Variants in TAFA1 observed in about 807,000 individuals in gnomAD.
TAFA1 encodes TAFA chemokine like family member 1.
In TAFA1, 4 loss-of-function variants were observed where a neutral mutation model predicts 18.5. The observed-to-expected ratio is 0.22, with a 90% confidence interval of 0.11 to 0.49. TAFA1 has a LOEUF of 0.49. Ranked by LOEUF, TAFA1 falls within the 20% of genes least tolerant of loss-of-function variation. The pLI is 0.98. For synonymous variants in TAFA1, 56 were observed against 55.2 expected, an observed-to-expected ratio of 1.01 and a Z score of -0.06; for missense variants, 147 against 169.0, an observed-to-expected ratio of 0.87 and a Z score of 0.72.
At chr3:68,178,647 C>T (rs770796660) in intron 2 of TAFA1, among the ~76,000 whole-genome samples, 8 of 152,126 alleles carry the variant, frequency 5.3e-5, no homozygotes, top group Admixed American at 1.3e-4. Context: ...TGCCCTGGGG[C>T]GGAAATACCT....
rs1037053761 is a variant in TAFA1 at position 68,529,013 on chromosome 3, A to AT, written c.260-9735dup. ...CTCACAACCCTTTGATATAGGCACT[A>AT]TTTTTTTTCTCTTTTTGTTTCATTG... On this transcript the variant is annotated intron_variant, in intron 3 of 4. Transcript: ENST00000478136. Among the ~76,000 whole-genome samples the AT allele has an allele frequency of 4.0e-5, 6 of 151,770 alleles. No individual in the cohort carries two copies. In the East Asian group the frequency reaches 5.8e-4, roughly 15 times the overall value.
intron 4 of TAFA1, among the ~76,000 whole-genome samples, chr3:68,540,990 G>T (rs1385740558): frequency 6.6e-6 from 1 of 152,074 alleles, no homozygotes; most frequent in Non-Finnish European, 1.5e-5. Flanking sequence ...TACCTCCCTG[G>T]GTGGGCTGAA....
At chr3:68,362,980 CTT>C (rs10681792) in intron 2 of TAFA1, among the ~76,000 whole-genome samples, 19 of 74,994 alleles carry the variant, frequency 2.5e-4, no homozygotes, top group Non-Finnish European at 3.2e-4. Flanking sequence ...GTCTTGCAGG[CTT>C]TTTTTTTTTT....
At chr3:68,447,776 G>A (rs558561158) in intron 3 of TAFA1, among the ~76,000 whole-genome samples, 1 of 152,306 alleles carries the variant, frequency 6.6e-6, no homozygotes, top group Admixed American at 6.5e-5. Flanking sequence ...CTGCAAGCCT[G>A]TGTGAGGAAG....
chr3:68,377,883 G>T (rs2069849739), intron 2 of TAFA1, among the ~76,000 whole-genome samples: 1 of 152,218 alleles, frequency 6.6e-6, no homozygotes, highest in African/African-American at 2.4e-5. Context: ...TCGGCCTGTT[G>T]CTTCAGAGGA....
chr3:68,217,229 T>C (rs2066670912), intron 2 of TAFA1, among the ~76,000 whole-genome samples: 1 of 152,034 alleles, frequency 6.6e-6, no homozygotes, highest in Non-Finnish European at 1.5e-5. Context: ...TGCAATTTCT[T>C]TTGCACCAAC....
At chr3:68,366,955 G>T (rs1384308179) in intron 2 of TAFA1, among the ~76,000 whole-genome samples, 3 of 152,234 alleles carry the variant, frequency 2.0e-5, no homozygotes, top group Middle Eastern at 3.4e-3. Context: ...TCTGGACATT[G>T]ACCCTGACTC....
chr3:68,223,230 C>T (rs774447239), intron 2 of TAFA1, among the ~76,000 whole-genome samples: 2 of 152,136 alleles, frequency 1.3e-5, no homozygotes, highest in Admixed American at 1.3e-4. Context: ...AGGTTGAGAT[C>T]GCTTATTAAA....
chr3:68,274,166 T>C (rs1306018501), intron 2 of TAFA1, among the ~76,000 whole-genome samples: 2 of 152,194 alleles, frequency 1.3e-5, no homozygotes, highest in African/African-American at 4.8e-5. Context: ...TTCAGTTGTG[T>C]GCATGAATTT....
chr3:68,366,079 C>A (rs1266695541), intron 2 of TAFA1, among the ~76,000 whole-genome samples: 12 of 108,756 alleles, frequency 1.1e-4, no homozygotes, highest in African/African-American at 4.1e-4. Flanking sequence ...GAGCGAGACT[C>A]CATCTCAAAA....
chr3:68,171,323 G>A (rs780183702), intron 2 of TAFA1, among the ~76,000 whole-genome samples: 15 of 152,134 alleles, frequency 9.9e-5, no homozygotes, highest in Non-Finnish European at 1.9e-4. Context: ...AAAATAGATT[G>A]TTCTATAAAG....
chr3:68,458,099 C>G (rs897312492), intron 3 of TAFA1, among the ~76,000 whole-genome samples: 2 of 152,128 alleles, frequency 1.3e-5, no homozygotes, highest in Non-Finnish European at 2.9e-5. Flanking sequence ...TGGGGAGTCA[C>G]TGGATCATGG....
At chr3:68,351,688 A>C (rs557651423) in intron 2 of TAFA1, among the ~76,000 whole-genome samples, 1 of 152,080 alleles carries the variant, frequency 6.6e-6, no homozygotes, top group South Asian at 2.1e-4. Context: ...TTTAAGGGAG[A>C]AGACAAATAA....
chr3:68,282,932 G>A (rs1352232166), intron 2 of TAFA1, among the ~76,000 whole-genome samples: 1 of 152,034 alleles, frequency 6.6e-6, no homozygotes, highest in Non-Finnish European at 1.5e-5. Context: ...TTCTGGTCCT[G>A]AATTATACTA....
intron 2 of TAFA1, among the ~76,000 whole-genome samples, chr3:68,150,184 C>T (rs1345366096): frequency 6.6e-6 from 1 of 152,094 alleles, no homozygotes; most frequent in Non-Finnish European, 1.5e-5. Context: ...TTTGTTTTAC[C>T]AGTCATGTAA....
At chr3:68,372,826 C>G (rs1649294805) in intron 2 of TAFA1, among the ~76,000 whole-genome samples, 1 of 152,072 alleles carries the variant, frequency 6.6e-6, no homozygotes. Flanking sequence ...AAGTGAAAGC[C>G]ACTAAAGAAT....
In TAFA1 at chr3:68,367,271, A is replaced by G. The variant is rs551878881; in HGVS notation, c.119-50009A>G. 2.6e-5 allele frequency among the ~76,000 whole-genome samples: 4 copies of G among 152,326 alleles called. No homozygotes were observed. In the South Asian group the frequency reaches 6.2e-4, roughly 24 times the overall value. On this transcript the variant is annotated intron_variant, in intron 2 of 4. Transcript: ENST00000478136. Reference sequence around the variant, plus strand: ...TCATTGGAAATCAGAATTCTTGTAAATGACAGTGTCATTCTTCAGTAATCT... The same window carrying G: ...TCATTGGAAATCAGAATTCTTGTAAGTGACAGTGTCATTCTTCAGTAATCT...
intron 2 of TAFA1, among the ~76,000 whole-genome samples, chr3:68,159,996 A>C (rs930793975): frequency 1.3e-5 from 2 of 152,184 alleles, no homozygotes; most frequent in Non-Finnish European, 2.9e-5. Context: ...GGCTCTTGTT[A>C]ATTGGACTCT....
chr3:68,088,880 C>T (rs552073866), intron 2 of TAFA1, among the ~76,000 whole-genome samples: 2 of 152,254 alleles, frequency 1.3e-5, no homozygotes, highest in South Asian at 2.1e-4. Flanking sequence ...TGGTGAGAAA[C>T]GGCCACATTC....
Sources: allele counts gnomAD v4.1 joint callset (sites outside exome capture counted in the v4.1 genomes callset), GRCh38; gene constraint gnomAD v4.1.1; transcripts MANE v1.5; gene names NCBI Gene and HGNC (gene_info 2026-07-23, HGNC 2026-07-21).